Variants in SCHIP1 observed in about 807,000 individuals in gnomAD.
The protein encoded by SCHIP1 is schwannomin-interacting protein 1.
A neutral mutation model predicts 29.7 loss-of-function variants in SCHIP1; 8 were observed. The observed-to-expected ratio is 0.27, with a 90% CI of 0.16 to 0.49. The LOEUF is 0.49. Among genes scored for constraint, SCHIP1 ranks in the 20% least tolerant of loss-of-function variants. The probability of loss-of-function intolerance (pLI) is 0.99; values close to 1 mark genes in which losing one functional copy is unlikely to be tolerated. For synonymous variants in SCHIP1, 76 were observed against 94.9 expected (o/e 0.80, Z 1.16); for missense variants, 193 against 294.6 (o/e 0.66, Z 2.52).
At chr3:159,512,447 G>A in the SCHIP1 span, among the ~76,000 whole-genome samples, 1 of 152,136 alleles carries the variant, frequency 6.6e-6, no homozygotes, top group Non-Finnish European at 1.5e-5. Context: ...CTGCCTAAGT[G>A]CCTCAAGAGA....
At chr3:159,366,404 T>C in the SCHIP1 span, among the ~76,000 whole-genome samples, 1 of 152,220 alleles carries the variant, frequency 6.6e-6, no homozygotes, top group Non-Finnish European at 1.5e-5. Context: ...ATTATTAGTA[T>C]AGAACAGTTA....
the SCHIP1 span, among the ~76,000 whole-genome samples, chr3:159,301,192 A>G: frequency 2.0e-5 from 3 of 151,920 alleles, no homozygotes; most frequent in Non-Finnish European, 4.4e-5. Flanking sequence ...TGTCACTATT[A>G]CCCCCCATTT....
At chr3:159,501,725 T>G in the SCHIP1 span, among the ~76,000 whole-genome samples, 7 of 152,226 alleles carry the variant, frequency 4.6e-5, no homozygotes, top group Admixed American at 1.3e-4. Flanking sequence ...ATGAATAGTA[T>G]AGTACCTACT....
the SCHIP1 span, among the ~76,000 whole-genome samples, chr3:159,477,014 G>A: frequency 6.6e-6 from 1 of 152,074 alleles, no homozygotes; most frequent in East Asian, 1.9e-4. Flanking sequence ...GACTTTTTTA[G>A]ATTCCACATA....
chr3:159,314,804 A>G, the SCHIP1 span, among the ~76,000 whole-genome samples: 1 of 152,306 alleles, frequency 6.6e-6, no homozygotes, highest in South Asian at 2.1e-4. Context: ...GAGTTTTGGT[A>G]TTTCAATTAC....
At chr3:159,382,596 A>T in the SCHIP1 span, among the ~76,000 whole-genome samples, 1 of 152,088 alleles carries the variant, frequency 6.6e-6, no homozygotes, top group Non-Finnish European at 1.5e-5. Context: ...TAGCAGCATG[A>T]TTTATAATCC....
chr3:159,871,008 G>T (rs1715200246), intron 2 of SCHIP1, among the ~76,000 whole-genome samples: 1 of 151,964 alleles, frequency 6.6e-6, no homozygotes, highest in Admixed American at 6.6e-5. Context: ...CCTCAGATCA[G>T]TCTGATGAGT....
the SCHIP1 span, among the ~76,000 whole-genome samples, chr3:159,491,578 G>A: frequency 6.6e-6 from 1 of 152,230 alleles, no homozygotes; most frequent in Non-Finnish European, 1.5e-5. Flanking sequence ...CCAATGCCCA[G>A]GCCTTGAGTA....
intron 1 of SCHIP1, among the ~76,000 whole-genome samples, chr3:159,857,586 C>G (rs1239329952): frequency 6.6e-6 from 1 of 152,150 alleles, no homozygotes; most frequent in East Asian, 1.9e-4. Context: ...TCAGGAGTCA[C>G]TCCCAAATCC....
the SCHIP1 span, among the ~76,000 whole-genome samples, chr3:159,659,867 G>T: frequency 2.6e-5 from 4 of 152,114 alleles, no homozygotes. Context: ...CTTGCAAAAG[G>T]TTAAAGCGTG....
the SCHIP1 span, among the ~76,000 whole-genome samples, chr3:159,441,248 G>A: frequency 6.6e-6 from 1 of 152,104 alleles, no homozygotes; most frequent in Non-Finnish European, 1.5e-5. Context: ...CAGGTTACAT[G>A]TTTCATTTGT....
chr3:159,765,277 G>C, the SCHIP1 span: 1 of 1,006,918 alleles, frequency 9.9e-7, no homozygotes, highest in Admixed American at 3.2e-5. Flanking sequence ...AGGCCAGAGA[G>C]CCTGCCGTCT....
At chr3:159,888,029 T>C in intron 4 of SCHIP1, 124 bp downstream of exon 5, 1 of 1,280,204 alleles carries the variant, frequency 7.8e-7, no homozygotes, top group Middle Eastern at 2.7e-4. Flanking sequence ...AAAAGTCCTG[T>C]CATTGAGAAA....
the SCHIP1 span, among the ~76,000 whole-genome samples, chr3:159,409,930 C>T: frequency 5.3e-5 from 8 of 152,038 alleles, no homozygotes; most frequent in African/African-American, 1.7e-4. Context: ...AACAGACACA[C>T]AGACCAATGG....
At chr3:159,607,255 T>C in the SCHIP1 span, among the ~76,000 whole-genome samples, 1 of 152,242 alleles carries the variant, frequency 6.6e-6, no homozygotes, top group Non-Finnish European at 1.5e-5. Context: ...CCATTAGTCA[T>C]TCAGTTCCAA....
chr3:159,833,822 T>C, the SCHIP1 span, among the ~76,000 whole-genome samples: 1 of 152,228 alleles, frequency 6.6e-6, no homozygotes, highest in African/African-American at 2.4e-5. Context: ...TTCCTTCTGC[T>C]AACTTCCCTG....
At chr3:159,569,077 G>C in the SCHIP1 span, among the ~76,000 whole-genome samples, 560 of 152,062 alleles carry the variant, frequency 3.7e-3, 5 homozygotes, top group African/African-American at 0.013. Flanking sequence ...GTATTGTTTT[G>C]CATTTTTTCC....
At chr3:159,520,804 T>C in the SCHIP1 span, among the ~76,000 whole-genome samples, 1 of 152,208 alleles carries the variant, frequency 6.6e-6, no homozygotes, top group Admixed American at 6.5e-5. Context: ...ATAATATTTG[T>C]GTTTACGTAA....
chr3:159,617,330 T>C, the SCHIP1 span, among the ~76,000 whole-genome samples: 1 of 152,192 alleles, frequency 6.6e-6, no homozygotes, highest in Non-Finnish European at 1.5e-5. Context: ...CCTCCCTGTC[T>C]CTCCGATCCC....
Sources: gnomAD v4.1 joint callset for allele counts (sites outside exome capture counted in the v4.1 genomes callset) on GRCh38, gnomAD v4.1.1 for gene constraint, MANE v1.5 for transcripts, NCBI Gene and HGNC (gene_info 2026-07-23, HGNC 2026-07-21) for gene names.